The following RELL1 variants were observed in gnomAD, a reference collection of about 807,000 sequenced individuals.
RELL1 encodes RELT-like protein 1.
Under a neutral mutation model 23.0 loss-of-function variants are expected in RELL1, and 10 were observed. That is an observed-to-expected ratio of 0.43 (90% confidence interval 0.27 to 0.74). The LOEUF (loss-of-function observed/expected upper bound fraction) is 0.74, where lower values mean the gene tolerates loss of function less well. Ranked by LOEUF, RELL1 falls within the 30% of genes least tolerant of loss-of-function variation. The pLI, the probability that RELL1 is intolerant of heterozygous loss-of-function variation, is 0.19. For synonymous variants in RELL1, 146 were observed against 146.8 expected (o/e 0.99, Z 0.04); for missense variants, 315 against 364.4 (o/e 0.86, Z 1.10).
intron 1 of RELL1, among the ~76,000 whole-genome samples, chr4:37,664,157 C>A (rs1721450762): frequency 6.6e-6 from 1 of 152,098 alleles, no homozygotes; most frequent in African/African-American, 2.4e-5. Context: ...GCAGGTGGAT[C>A]ACAAGGTCAA....
chr4:37,634,954 G>T lies in RELL1; in HGVS notation c.613C>A (p.Pro205Thr). 1 of 1,614,224 alleles carries T rather than the reference G, an allele frequency of 6.2e-7. No homozygotes were observed. The highest frequency in any genetic ancestry group is 8.5e-7 in the Non-Finnish European group (1 of 1,180,038). Residue 205 changes from proline (P) to threonine (T), a missense_variant, in exon 5 of 7, where the codon CCC becomes ACC. By Grantham distance (38) the Pro-to-Thr change is conservative. Coordinates refer to ENST00000454158, the MANE Select transcript of RELL1 (RefSeq NM_001085400.2). ...CTGCTCTCTCTGGACTTGTTAGTGG[G>T]CTTTATAAAGTGCCACCGCTTGTGC... is the stretch of plus-strand genomic sequence containing the variant. ...CRHKRWHFIKPTNKSRESRPR... is the reference protein window; with the variant it reads ...CRHKRWHFIKTTNKSRESRPR...
intron 3 of RELL1, 49 bp from the exon 4 acceptor site, chr4:37,638,553 G>A: frequency 7.3e-7 from 1 of 1,361,114 alleles, no homozygotes; most frequent in South Asian, 1.2e-5. Flanking sequence ...TGAATAAGAT[G>A]AGTAATCACA....
chr4:37,672,494 C>T (rs986680518), intron 1 of RELL1, among the ~76,000 whole-genome samples: 1 of 152,190 alleles, frequency 6.6e-6, no homozygotes, highest in South Asian at 2.1e-4. Context: ...AGATGCAGCA[C>T]TGAACCAGTG....
At chr4:37,588,187 C>T (rs1718416803), downstream of RELL1, 1 of 152,188 alleles carries the variant, frequency 6.6e-6, no homozygotes, top group East Asian at 1.9e-4. Context: ...ATGAGTCCAC[C>T]TTCTGCCAGG....
rs1719357559 is a variant in RELL1 at position 37,611,047 on chromosome 4, G to A, written c.*2299C>T. 6.6e-6 allele frequency among the ~76,000 whole-genome samples: 1 copy of A among 152,074 alleles called. No individual in the cohort carries two copies. Among genetic ancestry groups the A allele is most frequent in the East Asian group, 1.9e-4 (1 of 5,172 alleles). On this transcript the variant is annotated 3_prime_UTR_variant, in exon 7 of 7. Transcript: ENST00000454158. Reference sequence around the variant, plus strand: ...TAGAAAATATTTAAAACATACTCTTGGTATCAATACAGTTTTAAATATTTT... The same window carrying A: ...TAGAAAATATTTAAAACATACTCTTAGTATCAATACAGTTTTAAATATTTT...
At chr4:37,628,621 C>T (rs1720029452) in intron 6 of RELL1, among the ~76,000 whole-genome samples, 1 of 152,188 alleles carries the variant, frequency 6.6e-6, no homozygotes, top group Non-Finnish European at 1.5e-5. Context: ...GCCACTCGTG[C>T]TCATTGTGAT....
rs71189087 is a variant in RELL1, at chr4:37,600,780, C to CGTGTGTGTGTGTGTGTGT, written c.*4-9581_*4-9564dup. Among the ~76,000 whole-genome samples the CGTGTGTGTGTGTGTGTGT allele has an allele frequency of 1.6e-3, 240 of 147,676 alleles. 2 individuals carry two copies. The highest frequency in any genetic ancestry group is 5.3e-3 in the African/African-American group (211 of 39,738). On this transcript the variant is annotated intron_variant, in intron 6 of 6. Transcript: ENST00000314117. ...GGGTTTTATTTAGTATGGATTTGTG[C>CGTGTGTGTGTGTGTGTGT]GTGTGTGTGTGTGTGTGTGTGTGTG... is the stretch of plus-strand genomic sequence containing the variant.
At chr4:37,660,083 TA>T (rs1277485305) in intron 1 of RELL1, among the ~76,000 whole-genome samples, 1 of 151,842 alleles carries the variant, frequency 6.6e-6, no homozygotes, top group Non-Finnish European at 1.5e-5. Context: ...CATTTTTATT[TA>T]TTTATTTATT....
At chr4:37,652,684 G>A (rs1043964288) in intron 1 of RELL1, among the ~76,000 whole-genome samples, 1 of 152,186 alleles carries the variant, frequency 6.6e-6, no homozygotes, top group African/African-American at 2.4e-5. Flanking sequence ...TCAGGTGATT[G>A]AGAAGGTGTC....
intron 3 of RELL1, among the ~76,000 whole-genome samples, chr4:37,644,129 G>A (rs943837805): frequency 6.6e-6 from 1 of 151,990 alleles, no homozygotes; most frequent in South Asian, 2.1e-4. Flanking sequence ...CTGGTGCTAA[G>A]CACAGTAAAA....
chr4:37,671,830 G>A (rs911409394), intron 1 of RELL1, among the ~76,000 whole-genome samples: 7 of 152,084 alleles, frequency 4.6e-5, no homozygotes, highest in African/African-American at 7.2e-5. Flanking sequence ...TTCCTTGCAC[G>A]AGGTCCAAGA....
intron 6 of RELL1, among the ~76,000 whole-genome samples, chr4:37,615,945 A>G (rs1044692168): frequency 1.6e-4 from 25 of 152,174 alleles, no homozygotes; most frequent in African/African-American, 6.0e-4. Context: ...ATATACATAC[A>G]AATATCTATG....
intron 1 of RELL1, among the ~76,000 whole-genome samples, chr4:37,682,991 G>T (rs926976743): frequency 6.6e-6 from 1 of 152,096 alleles, no homozygotes; most frequent in Non-Finnish European, 1.5e-5. Context: ...ATCCCTTTGG[G>T]TGCTTGTGGT....
intron 1 of RELL1, among the ~76,000 whole-genome samples, chr4:37,656,801 T>C (rs978240125): frequency 2.0e-5 from 3 of 152,248 alleles, no homozygotes; most frequent in Non-Finnish European, 4.4e-5. Context: ...ACCATGTGAT[T>C]TCTTCCATTT....
intron 6 of RELL1, among the ~76,000 whole-genome samples, chr4:37,599,830 C>T (rs1357325813): frequency 6.6e-6 from 1 of 152,208 alleles, no homozygotes; most frequent in Non-Finnish European, 1.5e-5. Context: ...CCATGAACCA[C>T]CCCTACATAG....
chr4:37,649,206 G>A, intron 2 of RELL1, 70 bp downstream of exon 2: 3 of 1,209,316 alleles, frequency 2.5e-6, no homozygotes, highest in Non-Finnish European at 3.6e-6. Flanking sequence ...GAGATGGAAA[G>A]CATATATCAC....
intron 6 of RELL1, among the ~76,000 whole-genome samples, chr4:37,613,981 A>C (rs1719490846): frequency 6.6e-6 from 1 of 152,156 alleles, no homozygotes; most frequent in South Asian, 2.1e-4. Context: ...AAAATTATAG[A>C]GCTCCCCGTG....
At chr4:37,587,094 T>TG (rs1185265590), downstream of RELL1, among the ~76,000 whole-genome samples, 1 of 152,104 alleles carries the variant, frequency 6.6e-6, no homozygotes, top group Non-Finnish European at 1.5e-5. Context: ...TCTTCCAGCT[T>TG]GGGGGGCTGC....
chr4:37,633,314 C>G (rs1027841581), intron 5 of RELL1, among the ~76,000 whole-genome samples: 2 of 145,516 alleles, frequency 1.4e-5, no homozygotes, highest in African/African-American at 2.5e-5. Context: ...GAGGCTGAGG[C>G]ACGACAATCG....
Sources: gnomAD v4.1 joint callset for allele counts (sites outside exome capture counted in the v4.1 genomes callset) on GRCh38, gnomAD v4.1.1 for gene constraint, MANE v1.5 for transcripts, NCBI Gene and HGNC (gene_info 2026-07-23, HGNC 2026-07-21) for gene names.